Variants in ASPH observed in about 807,000 individuals in gnomAD.
The protein encoded by ASPH is aspartate beta-hydroxylase, also known as aspartyl/asparaginyl beta-hydroxylase.
ASPH carries 100 observed loss-of-function variants against 118.4 expected under a neutral mutation model. The observed-to-expected ratio is 0.84, with a 90% CI of 0.72 to 1.00. The LOEUF (loss-of-function observed/expected upper bound fraction) is 1.00. ASPH is among the 50% of genes least tolerant of loss of function. The pLI, the probability that ASPH is intolerant of heterozygous loss-of-function variation, is 0.00. For synonymous variants in ASPH, 315 were observed against 325.6 expected (o/e 0.97, Z 0.35); for missense variants, 920 against 919.5 (o/e 1.00, Z -0.01).
chr8:61,599,149 A>G (rs1340538330), intron 14 of ASPH, among the ~76,000 whole-genome samples: 1 of 152,208 alleles, frequency 6.6e-6, no homozygotes, highest in Non-Finnish European at 1.5e-5. Context: ...AGATCAGAGA[A>G]AAACTAAACA....
At chr8:61,700,641 A>C (rs540120605) in intron 1 of ASPH, among the ~76,000 whole-genome samples, 5 of 152,362 alleles carry the variant, frequency 3.3e-5, no homozygotes, top group African/African-American at 9.6e-5. Context: ...TGACCCACAA[A>C]AATGGCTATT....
At chr8:61,565,639 TACACTAAACAGCTAAGATCAC>T (rs1404465349) in intron 17 of ASPH, among the ~76,000 whole-genome samples, 1 of 10,598 alleles carries the variant, frequency 9.4e-5, no homozygotes, top group Non-Finnish European at 2.6e-4. Flanking sequence ...TGAAGTGATC[TACACTAAACAGCTAAGATCAC>T]TGATGAAGTG....
Position 61,527,731 on chromosome 8 carries a change from G to T in ASPH, c.1765-1619C>A, listed in dbSNP as rs572859813. ...AGGCCAAAACTGCAGGGCAGGGCAG[G>T]TGAGGAGTGTTGGGAGCAAGGAAGA... is the stretch of plus-strand genomic sequence containing the variant. On this transcript the variant is annotated intron_variant, in intron 21 of 24. Transcript: ENST00000379454. Among the ~76,000 whole-genome samples the T allele has an allele frequency of 3.3e-5, 5 of 152,262 alleles. No homozygotes were observed. The South Asian group carries it at 1.0e-3, about 32-fold the overall frequency.
chr8:61,576,251 T>C (rs193183993), intron 16 of ASPH, among the ~76,000 whole-genome samples: 1 of 152,260 alleles, frequency 6.6e-6, no homozygotes, highest in Admixed American at 6.5e-5. Context: ...AAAGGGGACA[T>C]GCTTCATGAA....
intron 13 of ASPH, chr8:61,626,171 G>A: frequency 7.7e-7 from 1 of 1,301,576 alleles, no homozygotes; most frequent in East Asian, 3.0e-5. Flanking sequence ...CAAAGATCTT[G>A]ATCTGCTCAG....
chr8:61,661,953 T>TA, intron 3 of ASPH: 1 of 446,734 alleles, frequency 2.2e-6, no homozygotes, highest in Non-Finnish European at 4.0e-6. Context: ...AAAGACTTGT[T>TA]TAAAAAAAAA....
At chr8:61,582,380 T>A (rs1029199007) in intron 15 of ASPH, among the ~76,000 whole-genome samples, 1 of 152,184 alleles carries the variant, frequency 6.6e-6, no homozygotes, top group Admixed American at 6.5e-5. Context: ...TTTTTATATA[T>A]GACATTTAGT....
chr8:61,605,049 C>G (rs1224894159), intron 14 of ASPH, among the ~76,000 whole-genome samples: 2 of 152,168 alleles, frequency 1.3e-5, no homozygotes, highest in Admixed American at 6.5e-5. Context: ...TAATGAGTTG[C>G]CACTACAAGC....
chr8:61,634,356 G>T (rs1241192245), intron 12 of ASPH, among the ~76,000 whole-genome samples: 4 of 152,088 alleles, frequency 2.6e-5, no homozygotes, highest in Non-Finnish European at 5.9e-5. Context: ...TTAACCTAGA[G>T]ATAAGATTAT....
intron 12 of ASPH, among the ~76,000 whole-genome samples, chr8:61,637,475 T>G (rs1858343704): frequency 6.6e-6 from 1 of 152,156 alleles, no homozygotes; most frequent in African/African-American, 2.4e-5. Context: ...GAAGCGCCAC[T>G]GTTTAATACA....
chr8:61,688,983 G>A (rs994662326), intron 1 of ASPH, among the ~76,000 whole-genome samples: 4 of 152,206 alleles, frequency 2.6e-5, no homozygotes, highest in African/African-American at 9.6e-5. Flanking sequence ...TTAGACAGCT[G>A]AGAGTTAGAA....
chr8:61,508,925 T>C lies in ASPH; in HGVS notation c.2127-5416A>G, dbSNP rs371304388. Among the ~76,000 whole-genome samples the C allele has an allele frequency of 5.9e-5, 9 of 152,354 alleles. No homozygotes were observed. In the South Asian group the frequency reaches 8.3e-4, roughly 14 times the overall value. ...ACAGCTCTTACTCATTCTGATCTAC[T>C]GAAATTCCCCAGTTCAGACTCCATT... On this transcript the variant is annotated intron_variant, in intron 24 of 24. Coordinates refer to ENST00000379454, the MANE Select transcript of ASPH (RefSeq NM_004318.4).
At chr8:61,578,704 A>G in intron 15 of ASPH, 1 of 1,607,946 alleles carries the variant, frequency 6.2e-7, no homozygotes, top group Non-Finnish European at 8.5e-7. Flanking sequence ...CTGAAGCTGG[A>G]GGCGGAGCTT....
At chr8:61,671,453 T>C (rs1348311182) in intron 3 of ASPH, among the ~76,000 whole-genome samples, 1 of 152,160 alleles carries the variant, frequency 6.6e-6, no homozygotes, top group African/African-American at 2.4e-5. Context: ...CGAGCAAAAA[T>C]GGAAACATCT....
At chr8:61,692,202 T>G (rs189038940) in intron 1 of ASPH, among the ~76,000 whole-genome samples, 11 of 152,340 alleles carry the variant, frequency 7.2e-5, no homozygotes, top group Non-Finnish European at 1.6e-4. Flanking sequence ...CCTGATATTT[T>G]AGATATGGAG....
At chr8:61,571,798 C>G (rs11785922) in intron 16 of ASPH, among the ~76,000 whole-genome samples, 84,284 of 152,036 alleles carry the variant, frequency 0.55, 26,405 homozygotes, top group Non-Finnish European at 0.7. Flanking sequence ...CCATTTCTCT[C>G]TCTAGTTAAT....
intron 14 of ASPH, among the ~76,000 whole-genome samples, chr8:61,600,936 G>T (rs1387284319): frequency 6.6e-6 from 1 of 151,276 alleles, no homozygotes; most frequent in African/African-American, 2.5e-5. Context: ...AAAAAGAGCT[G>T]AAGTGCCTGC....
At chr8:61,608,815 G>A (rs1211617430) in intron 14 of ASPH, among the ~76,000 whole-genome samples, 1 of 152,144 alleles carries the variant, frequency 6.6e-6, no homozygotes, top group Non-Finnish European at 1.5e-5. Flanking sequence ...TCTCCCCCAT[G>A]TGATTCTACC....
intron 17 of ASPH, among the ~76,000 whole-genome samples, chr8:61,565,721 G>T (rs1831462864): frequency 6.6e-6 from 1 of 152,166 alleles, no homozygotes; most frequent in African/African-American, 2.4e-5. Context: ...CTGTCTATTG[G>T]AAGAAGATGC....
Sources: allele counts gnomAD v4.1 joint callset (sites outside exome capture counted in the v4.1 genomes callset), GRCh38; gene constraint gnomAD v4.1.1; transcripts MANE v1.5; gene names NCBI Gene and HGNC (gene_info 2026-07-23, HGNC 2026-07-21).